KRABD2: variants seen among roughly 807,000 people sequenced by gnomAD.
The protein encoded by KRABD2 is KRAB domain containing 2, also known as KRAB domain-containing protein 2.
chr17:8,369,303 T>A, the KRABD2 span: 8 of 1,614,146 alleles, frequency 5.0e-6, no homozygotes, highest in Non-Finnish European at 6.8e-6. Flanking sequence ...TTCTAGCTCT[T>A]CTTCCGTTTG....
chr17:8,376,585 G>A, the KRABD2 span: 1 of 986,474 alleles, frequency 1.0e-6, no homozygotes, highest in Non-Finnish European at 1.2e-6. Flanking sequence ...CTGAACGGCT[G>A]AGGCGGGCGC....
chr17:8,360,686 G>A, the KRABD2 span, among the ~76,000 whole-genome samples: 4 of 152,014 alleles, frequency 2.6e-5, no homozygotes, highest in Non-Finnish European at 5.9e-5. Context: ...AAGTATCTCA[G>A]GTTTCAAATC....
At chr17:8,371,521 A>G in the KRABD2 span, 1 of 1,602,646 alleles carries the variant, frequency 6.2e-7, no homozygotes. Flanking sequence ...AGAGGGCACC[A>G]GGAATGAAGG....
chr17:8,370,396 G>A, the KRABD2 span: 1 of 1,512,310 alleles, frequency 6.6e-7, no homozygotes, highest in Non-Finnish European at 8.9e-7. Flanking sequence ...CCTAAGAAAG[G>A]AAGAAAAGAG....
At chr17:8,367,931 TAAAAA>T in the KRABD2 span, among the ~76,000 whole-genome samples, 2 of 43,980 alleles carry the variant, frequency 4.5e-5, no homozygotes, top group South Asian at 1.2e-3. Flanking sequence ...AATGATCAAT[TAAAAA>T]AAAAAAAAAA....
chr17:8,368,523 GATT>G, the KRABD2 span: 1 of 152,198 alleles, frequency 6.6e-6, no homozygotes, highest in Non-Finnish European at 1.5e-5. Flanking sequence ...GCATGGAATG[GATT>G]CTCCCCCAGA....
At chr17:8,373,078 T>G in the KRABD2 span, among the ~76,000 whole-genome samples, 1 of 152,190 alleles carries the variant, frequency 6.6e-6, no homozygotes, top group Non-Finnish European at 1.5e-5. Flanking sequence ...CATCTAGTGA[T>G]TTTAAAAAAA....
the KRABD2 span, chr17:8,370,219 TG>T: frequency 1.9e-6 from 3 of 1,613,076 alleles, no homozygotes; most frequent in Non-Finnish European, 2.5e-6. Context: ...TACTTTTCTT[TG>T]GAAAATACCT....
chr17:8,375,948 G>C, the KRABD2 span: 3 of 1,230,468 alleles, frequency 2.4e-6, no homozygotes, highest in Non-Finnish European at 3.0e-6. Flanking sequence ...TCCTCGCATT[G>C]ATCCTCCCAA....
At chr17:8,370,547 A>G in the KRABD2 span, among the ~76,000 whole-genome samples, 1 of 152,250 alleles carries the variant, frequency 6.6e-6, no homozygotes. Flanking sequence ...TAGAAAGCCA[A>G]CTAGCACCAT....
the KRABD2 span, among the ~76,000 whole-genome samples, chr17:8,363,392 C>A: frequency 6.6e-6 from 1 of 152,110 alleles, no homozygotes; most frequent in Non-Finnish European, 1.5e-5. Context: ...CACTCTGTTA[C>A]CGAGGCTAGA....
chr17:8,368,884 A>C, the KRABD2 span: 1 of 498,742 alleles, frequency 2.0e-6, no homozygotes, highest in Non-Finnish European at 3.4e-6. Context: ...TGACCCGCCC[A>C]CCTTGGCCTA....
At chr17:8,361,461 A>G in the KRABD2 span, among the ~76,000 whole-genome samples, 6 of 152,344 alleles carry the variant, frequency 3.9e-5, no homozygotes, top group Middle Eastern at 0.014. Context: ...AACAAGTGCA[A>G]CCAGGAAATT....
At chr17:8,363,732 TCA>T in the KRABD2 span, among the ~76,000 whole-genome samples, 2 of 149,556 alleles carry the variant, frequency 1.3e-5, no homozygotes, top group African/African-American at 4.9e-5. Flanking sequence ...TTCTCCAAGA[TCA>T]CAAACATCTT....
chr17:8,372,918 A>G, the KRABD2 span, among the ~76,000 whole-genome samples: 1 of 152,238 alleles, frequency 6.6e-6, no homozygotes, highest in Non-Finnish European at 1.5e-5. This position sits in a 1 kb window ranked among gnomAD's most constrained non-coding sequence, Gnocchi z 4.1. Context: ...AAAAAGAAAA[A>G]AAAGAATGAA....
chr17:8,373,154 C>CCT, the KRABD2 span, among the ~76,000 whole-genome samples: 31 of 30,134 alleles, frequency 1.0e-3, no homozygotes, highest in African/African-American at 2.0e-3. Flanking sequence ...TCCCTCTCTC[C>CCT]GTCTCCGTCT....
chr17:8,369,731 TA>T, the KRABD2 span: 1 of 1,614,096 alleles, frequency 6.2e-7, no homozygotes, highest in Non-Finnish European at 8.5e-7. Context: ...TTAATGGCCG[TA>T]AAATAATAAA....
the KRABD2 span, among the ~76,000 whole-genome samples, chr17:8,375,466 A>C: frequency 2.0e-5 from 3 of 151,754 alleles, no homozygotes; most frequent in Non-Finnish European, 2.9e-5. Context: ...GGACGTCGGG[A>C]CCTACTAACC....
the KRABD2 span, chr17:8,369,790 C>T: frequency 8.6e-4 from 1,390 of 1,614,176 alleles, 25 homozygotes; most frequent in Admixed American, 0.02. Context: ...AACTCACCAT[C>T]GGCACTGGAC....
Sources: gnomAD v4.1 joint callset for allele counts (sites outside exome capture counted in the v4.1 genomes callset) on GRCh38, gnomAD v4.1.1 for gene constraint, Gnocchi (gnomAD v3.1) non-coding constraint, MANE v1.5 for transcripts, NCBI Gene and HGNC (gene_info 2026-07-23, HGNC 2026-07-21) for gene names.